EBF3: variants seen among roughly 807,000 people sequenced by gnomAD.
EBF3 encodes the protein EBF transcription factor 3.
EBF3 carries 18 observed loss-of-function variants against 77.1 expected under a neutral mutation model. The observed-to-expected ratio is 0.23, with a 90% CI of 0.16 to 0.35. The LOEUF is 0.35. EBF3 is among the 10% of genes least tolerant of loss of function. The pLI is 1.00. For missense variants in EBF3, 558 were observed against 860.0 expected (o/e 0.65, Z 4.39); for synonymous variants, 350 against 343.5 (o/e 1.02, Z -0.21).
chr10:129,932,741 G>A (rs1425638822), intron 6 of EBF3, among the ~76,000 whole-genome samples: 3 of 152,106 alleles, frequency 2.0e-5, no homozygotes, highest in East Asian at 1.9e-4. Context: ...TCAACACCAC[G>A]AAGTTACAGA....
At chr10:129,878,532 G>A (rs910424985) in intron 6 of EBF3, among the ~76,000 whole-genome samples, 4 of 151,876 alleles carry the variant, frequency 2.6e-5, no homozygotes, top group South Asian at 2.1e-4. Flanking sequence ...AGCCAGGTGC[G>A]GTGGCATGTG....
intron 6 of EBF3, among the ~76,000 whole-genome samples, chr10:129,895,839 A>T (rs931557736): frequency 5.9e-5 from 9 of 152,208 alleles, no homozygotes; most frequent in Non-Finnish European, 1.2e-4. Flanking sequence ...CTGACTTTAG[A>T]GTTTGTCAAT....
chr10:129,896,767 C>T (rs779029961), intron 6 of EBF3, among the ~76,000 whole-genome samples: 20 of 152,248 alleles, frequency 1.3e-4, no homozygotes, highest in Non-Finnish European at 2.5e-4. Context: ...TTCCCAAAGC[C>T]CCCTGTAGCT....
chr10:129,887,857 C>T (rs1363762325), intron 6 of EBF3, among the ~76,000 whole-genome samples: 2 of 152,094 alleles, frequency 1.3e-5, no homozygotes, highest in Non-Finnish European at 1.5e-5. Context: ...ATAAACCTGG[C>T]GAATGGTAAG....
At chr10:129,921,998 T>A (rs1856347365) in intron 6 of EBF3, among the ~76,000 whole-genome samples, 1 of 152,128 alleles carries the variant, frequency 6.6e-6, no homozygotes, top group Admixed American at 6.5e-5. Context: ...GCAGAACCGG[T>A]CAGCTTGTTA....
intron 7 of EBF3, among the ~76,000 whole-genome samples, chr10:129,875,953 A>G (rs1012852753): frequency 1.3e-5 from 2 of 152,272 alleles, no homozygotes; most frequent in African/African-American, 4.8e-5. Flanking sequence ...ATGCGTAACT[A>G]ACACTGAGGT....
chr10:129,848,204 C>T lies in EBF3; in HGVS notation c.1128+188G>A, dbSNP rs536675733. 9.8e-5 allele frequency among the ~76,000 whole-genome samples: 15 copies of T among 152,292 alleles called. No individual in the cohort carries two copies. Among genetic ancestry groups the T allele is most frequent in the Non-Finnish European group, 1.5e-5 (1 of 68,032 alleles). On this transcript the variant is annotated intron_variant, in intron 11 of 16. Transcript: ENST00000440978. The surrounding 1 kb of genome is among the most constrained non-coding windows in gnomAD (Gnocchi z 4.4). Reference sequence around the variant, plus strand: ...TCGAGCCGTCTACGCCTTCTCTCACCCTTCGCCCACCTCTGAAGCTGGTCA... The same window carrying T: ...TCGAGCCGTCTACGCCTTCTCTCACTCTTCGCCCACCTCTGAAGCTGGTCA...
chr10:129,894,421 C>T (rs1006524091), intron 6 of EBF3, among the ~76,000 whole-genome samples: 7 of 152,252 alleles, frequency 4.6e-5, no homozygotes, highest in African/African-American at 1.7e-4. Flanking sequence ...ATGCCAAGGT[C>T]TGTACCCATC....
chr10:129,861,960 G>A lies in EBF3; in HGVS notation c.1039+5181C>T, dbSNP rs568966825. ...TCGACTCCGCAGTGCTGACGGGACC[G>A]CCTCTCAATGCACACAAAAGATCTT... On this transcript the variant is annotated intron_variant, in intron 10 of 16. Transcript: ENST00000440978. The surrounding 1 kb of genome is among the most constrained non-coding windows in gnomAD (Gnocchi z 4.3). Among the ~76,000 whole-genome samples the A allele has an allele frequency of 7.2e-5, 11 of 152,150 alleles. No individual in the cohort carries two copies. Among genetic ancestry groups the A allele is most frequent in the East Asian group, 1.9e-4 (1 of 5,184 alleles).
chr10:129,919,181 G>A (rs939837540), intron 6 of EBF3, among the ~76,000 whole-genome samples: 1 of 152,136 alleles, frequency 6.6e-6, no homozygotes, highest in Admixed American at 6.5e-5. Context: ...AATCCAAGAT[G>A]GCAATTAAAC....
chr10:129,875,637 G>A (rs912586684), intron 7 of EBF3, among the ~76,000 whole-genome samples: 11 of 152,218 alleles, frequency 7.2e-5, no homozygotes, highest in East Asian at 1.9e-4. Context: ...TGTTGAGGTC[G>A]CAACAGTGTC....
chr10:129,958,985 T>A lies in EBF3; in HGVS notation c.434A>T (p.Asp145Val). The change falls in exon 5 of 17, where the codon GAC becomes GTC. Residue 145 changes from aspartate to valine, a missense_variant. By Grantham distance (152) the Asp-to-Val change is radical. Around this residue, in one of 5 missense-constraint regions of EBF3, gnomAD observed 84 missense variants for 142.3 expected, o/e 0.59. Coordinates refer to ENST00000440978, the MANE Select transcript of EBF3 (RefSeq NM_001375380.1). The part of the protein sequence containing the change: ...TKQAIVYEGQ[D>V]KNPEMCRVLL... ...CACACGGCACATCTCCGGGTTCTTG[T>A]CCTGGCCCTCGTAGACGATGGCCTG... 1.2e-6 allele frequency: 2 copies of A among 1,600,198 alleles called. No individual in the cohort carries two copies. Among genetic ancestry groups the A allele is most frequent in the Non-Finnish European group, 1.7e-6 (2 of 1,174,626 alleles).
At chr10:129,919,153 G>T (rs1364410072) in intron 6 of EBF3, among the ~76,000 whole-genome samples, 4 of 152,198 alleles carry the variant, frequency 2.6e-5, no homozygotes, top group Non-Finnish European at 5.9e-5. Flanking sequence ...CATGAGTTCT[G>T]GGAGAAGGGC....
At chr10:129,951,013 T>C (rs571035047) in intron 6 of EBF3, among the ~76,000 whole-genome samples, 75 of 152,362 alleles carry the variant, frequency 4.9e-4, no homozygotes, top group Middle Eastern at 6.8e-3. Context: ...TTGCCACTGT[T>C]TGAATTCTGA....
At chr10:129,850,970 C>T (rs932367333) in intron 10 of EBF3, among the ~76,000 whole-genome samples, 2 of 152,228 alleles carry the variant, frequency 1.3e-5, no homozygotes, top group Non-Finnish European at 2.9e-5. Flanking sequence ...CGGGCGAGAG[C>T]CCTGCCGAGC....
Position 129,867,239 on chromosome 10 carries a change from T to C in EBF3, c.941A>G (p.Gln314Arg). 4 of 1,614,086 alleles carry C rather than the reference T, an allele frequency of 2.5e-6. No individual in the cohort carries two copies. Among genetic ancestry groups the C allele is most frequent in the Non-Finnish European group, 3.4e-6 (4 of 1,180,014 alleles). ...ELITPHAIRV[Q>R]TPPRHIPGVV... The stretch of plus-strand genomic sequence containing the variant: ...GCCAGGAATGTGCCTCGGCGGGGTC[T>C]GGACTCGGATGGCATGGGGAGTTAT... Residue 314 changes from glutamine to arginine, a missense_variant, in exon 10 of 17, where the codon CAG becomes CGG. Physicochemically the swap from Gln to Arg is conservative, Grantham distance 43 (BLOSUM62 1). Around this residue, in one of 5 missense-constraint regions of EBF3, gnomAD observed 112 missense variants for 207.7 expected, o/e 0.54. Coordinates refer to ENST00000440978, the MANE Select transcript of EBF3 (RefSeq NM_001375380.1).
rs754563149 is a variant in EBF3 at position 129,885,281 on chromosome 10, C to T, written c.555-7432G>A. Among the ~76,000 whole-genome samples, 4 of 152,148 alleles carry T rather than the reference C, an allele frequency of 2.6e-5. No individual in the cohort carries two copies. The highest frequency in any genetic ancestry group is 4.4e-5 in the Non-Finnish European group (3 of 68,020). ...CAGAACAGATCCCCGCCAAGTCCTC[C>T]GTTTGGAGAAATTTGTATGACTCGC... On this transcript the variant is annotated intron_variant, in intron 6 of 16. Transcript: ENST00000440978. This position sits in a 1 kb window ranked among gnomAD's most constrained non-coding sequence, Gnocchi z 4.0.
intron 6 of EBF3, among the ~76,000 whole-genome samples, chr10:129,918,289 G>C (rs1379063512): frequency 6.6e-6 from 1 of 152,206 alleles, no homozygotes; most frequent in African/African-American, 2.4e-5. Flanking sequence ...CTGGGTCCAG[G>C]GGCCAAGACC....
At chr10:129,878,661 C>CAAAAAAAAAA (rs538628576) in intron 6 of EBF3, among the ~76,000 whole-genome samples, 3 of 34,850 alleles carry the variant, frequency 8.6e-5, no homozygotes, top group African/African-American at 1.3e-4. Flanking sequence ...GGCTCTGTCT[C>CAAAAAAAAAA]AAAAAAAAAA....
Sources: gnomAD v4.1 joint callset for allele counts (sites outside exome capture counted in the v4.1 genomes callset) on GRCh38, gnomAD v4.1.1 for gene constraint, gnomAD v4.1.1 regional missense constraint, Gnocchi (gnomAD v3.1) non-coding constraint, MANE v1.5 for transcripts, NCBI Gene and HGNC (gene_info 2026-07-23, HGNC 2026-07-21) for gene names.